MSH4: variants seen among roughly 807,000 people sequenced by gnomAD.
MSH4 encodes the protein mutS protein homolog 4.
In MSH4, 106 loss-of-function variants were observed where a neutral mutation model predicts 113.7. The ratio of observed to expected loss-of-function variants is 0.93; its 90% CI spans 0.80 to 1.10. MSH4 has a LOEUF of 1.10. MSH4 is among the 50% of genes least tolerant of loss of function. MSH4 has a pLI of 0.00. For synonymous variants in MSH4, 368 were observed against 380.2 expected (o/e 0.97, Z 0.37); for missense variants, 1,061 against 1,093.7 (o/e 0.97, Z 0.42).
intron 7 of MSH4, 22 bp from the exon 8 acceptor site, chr1:75,848,183 TACTC>T: frequency 6.7e-7 from 1 of 1,487,750 alleles, no homozygotes; most frequent in Non-Finnish European, 9.3e-7. Flanking sequence ...AAAGTTTAAA[TACTC>T]ACATTTGTTT....
intron 19 of MSH4, among the ~76,000 whole-genome samples, chr1:75,911,191 T>C (rs1176139154): frequency 6.6e-6 from 1 of 152,098 alleles, no homozygotes; most frequent in Non-Finnish European, 1.5e-5. Flanking sequence ...TATTGGCTTC[T>C]GCTTCATGAT....
At chr1:75,801,080 A>G (rs569388342) in intron 1 of MSH4, among the ~76,000 whole-genome samples, 1 of 152,344 alleles carries the variant, frequency 6.6e-6, no homozygotes, top group South Asian at 2.1e-4. Flanking sequence ...ATATTTTGTG[A>G]TATTAAAATT....
At chr1:75,893,790 A>G (rs1337523010) in intron 17 of MSH4, among the ~76,000 whole-genome samples, 2 of 152,240 alleles carry the variant, frequency 1.3e-5, no homozygotes, top group Non-Finnish European at 2.9e-5. Flanking sequence ...TGGAAGGAAC[A>G]TAAAGTTGGA....
chr1:75,900,585 G>A (rs546442836), intron 19 of MSH4, among the ~76,000 whole-genome samples: 2 of 152,268 alleles, frequency 1.3e-5, no homozygotes, highest in South Asian at 2.1e-4. Context: ...GGGATTACAG[G>A]TGTGAGCAAC....
rs116583373 is a variant in MSH4 at position 75,819,352 on chromosome 1, C to T, written c.989+2806C>T. Among the ~76,000 whole-genome samples the T allele has an allele frequency of 6.4e-3, 968 of 152,168 alleles. 8 individuals are homozygous for T. Among genetic ancestry groups the T allele is most frequent in the Non-Finnish European group, 7.5e-3 (510 of 68,000 alleles). On this transcript the variant is annotated intron_variant, in intron 6 of 19. Coordinates refer to ENST00000263187, the MANE Select transcript of MSH4 (RefSeq NM_002440.4). ...TACCAAAAATACAAAATTTAGCCAG[C>T]ATAGTGGCACACCTGTAATCCCAGC...
intron 8 of MSH4, among the ~76,000 whole-genome samples, chr1:75,852,338 A>C (rs1490903939): frequency 2.0e-5 from 3 of 152,152 alleles, no homozygotes; most frequent in African/African-American, 7.2e-5. Context: ...AATGCTATGA[A>C]TATTTGTGTG....
chr1:75,846,380 A>G (rs1322676481), intron 7 of MSH4, among the ~76,000 whole-genome samples: 4 of 152,218 alleles, frequency 2.6e-5, no homozygotes. Flanking sequence ...TCATCTTTAA[A>G]GTATTTCTCC....
At chr1:75,849,384 A>G (rs1392726466) in intron 8 of MSH4, among the ~76,000 whole-genome samples, 1 of 152,218 alleles carries the variant, frequency 6.6e-6, no homozygotes, top group East Asian at 1.9e-4. Context: ...ATTTACTATA[A>G]TGAAATACAG....
At position 75,867,414 on chromosome 1, in the gene MSH4, TATATGGGATATGGAAAGAGTAAG is replaced by T; in HGVS notation, c.1231-98_1231-76del. The T allele has an allele frequency of 4.3e-6, 3 of 700,646 alleles. 1 individual carries two copies. The African/African-American group carries it at 6.5e-5, about 15-fold the overall frequency. The allele number at this position is 700,646 out of a possible 1,614,324, so 43.4% of individuals were successfully genotyped here. On this transcript the variant is annotated intron_variant, in intron 8 of 19. Transcript: ENST00000263187. ...TTGCGGCTAGGCTGATATATAAAAA[TATATGGGATATGGAAAGAGTAAG>T]AATGTTCAAGAGGAAAACCCATTGT...
chr1:75,838,421 C>A (rs1650878381), intron 7 of MSH4, among the ~76,000 whole-genome samples: 1 of 152,116 alleles, frequency 6.6e-6, no homozygotes, highest in African/African-American at 2.4e-5. Flanking sequence ...ATCTCAAGAC[C>A]CTTAATTTAA....
intron 8 of MSH4, among the ~76,000 whole-genome samples, chr1:75,865,651 C>T (rs1009043267): frequency 6.6e-6 from 1 of 152,178 alleles, no homozygotes; most frequent in South Asian, 2.1e-4. Context: ...ATGATTTTCA[C>T]ATGCCTGCAA....
At chr1:75,885,210 T>C (rs1652044683) in intron 15 of MSH4, among the ~76,000 whole-genome samples, 1 of 144,800 alleles carries the variant, frequency 6.9e-6, no homozygotes, top group South Asian at 2.1e-4. Context: ...AGGGTATATA[T>C]ATACCTTCTA....
chr1:75,848,629 T>C (rs1447212430), intron 8 of MSH4, among the ~76,000 whole-genome samples: 1 of 152,036 alleles, frequency 6.6e-6, no homozygotes, highest in Admixed American at 6.6e-5. Flanking sequence ...TCCCAGCTCC[T>C]GGGGAGGCTG....
chr1:75,892,561 G>A (rs1244471960), intron 17 of MSH4, among the ~76,000 whole-genome samples: 3 of 152,140 alleles, frequency 2.0e-5, no homozygotes, highest in Admixed American at 2.0e-4. Flanking sequence ...AGAGATCCAG[G>A]TGATTTTATA....
At chr1:75,819,426 G>A (rs1335877992) in intron 6 of MSH4, among the ~76,000 whole-genome samples, 2 of 152,148 alleles carry the variant, frequency 1.3e-5, no homozygotes, top group East Asian at 1.9e-4. Context: ...GGAGGCAGAG[G>A]TAGCAGTGAG....
rs1301778844 is a variant in MSH4 at position 75,861,977 on chromosome 1, A to G, written c.1231-5537A>G. Among the ~76,000 whole-genome samples the G allele has an allele frequency of 2.0e-5, 3 of 151,744 alleles. No individual in the cohort carries two copies. In the East Asian group the frequency reaches 5.8e-4, roughly 30 times the overall value. ...TTACACTGTGTGTATAGAACCACCT[A>G]CTCAAGCCTCAGCAATGGCGGACGC... On this transcript the variant is annotated intron_variant, in intron 8 of 19. Transcript: ENST00000263187.
intron 6 of MSH4, among the ~76,000 whole-genome samples, chr1:75,817,914 A>G (rs186113743): frequency 1.2e-4 from 18 of 152,176 alleles, no homozygotes; most frequent in Non-Finnish European, 2.2e-4. Flanking sequence ...AATGATGACT[A>G]AATCTTAAAA....
At position 75,879,126 on chromosome 1, in the gene MSH4, A is replaced by T. The variant is rs750203763; in HGVS notation, c.1675A>T (p.Lys559Ter). The change falls in exon 12 of 20, where the codon AAG becomes TAG. Residue 559 changes from lysine (K) to a stop codon, truncating the protein, a stop_gained and splice_region_variant. Coordinates refer to ENST00000263187, the MANE Select transcript of MSH4 (RefSeq NM_002440.4). LOFTEE classifies it high-confidence loss of function. Reference protein sequence around the residue: ...PSDQLPSEFIKISKVKNSYSF... With the variant: ...PSDQLPSEFI ...TGATCAACTTCCTTCAGAATTTATTAAGGTTCATTTTAGAGTGGTTAGGAA... is the reference window on the plus strand; with the variant it reads ...TGATCAACTTCCTTCAGAATTTATTTAGGTTCATTTTAGAGTGGTTAGGAA... 1 of 1,609,196 alleles carries T rather than the reference A, an allele frequency of 6.2e-7. No individual in the cohort carries two copies. Among genetic ancestry groups the T allele is most frequent in the Non-Finnish European group, 8.5e-7 (1 of 1,176,318 alleles).
chr1:75,855,039 T>C (rs1188996153), intron 8 of MSH4, among the ~76,000 whole-genome samples: 2 of 152,074 alleles, frequency 1.3e-5, no homozygotes, highest in East Asian at 1.9e-4. Context: ...ATTAGTTTTT[T>C]TTTTTCTTTC....
Sources: gnomAD v4.1 joint callset for allele counts (sites outside exome capture counted in the v4.1 genomes callset) on GRCh38, gnomAD v4.1.1 for gene constraint, MANE v1.5 for transcripts, NCBI Gene and HGNC (gene_info 2026-07-23, HGNC 2026-07-21) for gene names.